Variants in CACNA1C observed in about 807,000 individuals in gnomAD.
CACNA1C encodes calcium voltage-gated channel subunit alpha1 C.
In CACNA1C, 30 loss-of-function variants were observed where a neutral mutation model predicts 229.0. The observed-to-expected ratio is 0.13, with a 90% CI of 0.10 to 0.18. The LOEUF is 0.18. Ranked by LOEUF, CACNA1C falls within the 10% of genes least tolerant of loss-of-function variation. The pLI is 1.00. For synonymous variants in CACNA1C, 1,114 were observed against 1,132.5 expected (o/e 0.98, Z 0.33); for missense variants, 1,658 against 2,845.0 (o/e 0.58, Z 9.49).
chr12:2,046,725 G>A (rs532374515), intron 1 of CACNA1C, among the ~76,000 whole-genome samples: 1 of 152,228 alleles, frequency 6.6e-6, no homozygotes, highest in African/African-American at 2.4e-5. Context: ...CTCACACTCC[G>A]AGTACTCTGG....
chr12:2,536,483 G>C (rs950977481), intron 9 of CACNA1C, among the ~76,000 whole-genome samples: 1 of 152,116 alleles, frequency 6.6e-6, no homozygotes, highest in Non-Finnish European at 1.5e-5. Context: ...CTGCCTCTGC[G>C]ACTCTGGACA....
At chr12:2,496,288 G>A (rs890169966) in intron 7 of CACNA1C, among the ~76,000 whole-genome samples, 20 of 152,322 alleles carry the variant, frequency 1.3e-4, no homozygotes, top group African/African-American at 4.8e-4. Flanking sequence ...TTTCCACAGG[G>A]AGGAGGGGGA....
At chr12:2,606,533 T>G in intron 24 of CACNA1C, 78 bp from the exon 25 acceptor site, 1 of 1,169,436 alleles carries the variant, frequency 8.6e-7, no homozygotes, top group Non-Finnish European at 1.3e-6. Flanking sequence ...TGCTGGGCTA[T>G]GGAGATGCTC....
At chr12:2,019,452 C>G (rs1475431782) in intron 1 of CACNA1C, among the ~76,000 whole-genome samples, 1 of 134,400 alleles carries the variant, frequency 7.4e-6, no homozygotes. Flanking sequence ...AAAGCAAGAC[C>G]CTGTATCTAA....
intron 45 of CACNA1C, 130 bp from the exon 46 acceptor site, chr12:2,688,317 G>A: frequency 1.3e-6 from 1 of 769,774 alleles, no homozygotes; most frequent in South Asian, 1.6e-5. Context: ...GAAAATAATG[G>A]CATGGGAATA....
intron 1 of CACNA1C, among the ~76,000 whole-genome samples, chr12:2,046,753 C>A (rs953872965): frequency 1.3e-5 from 2 of 152,070 alleles, no homozygotes; most frequent in African/African-American, 4.8e-5. Context: ...TTGGGACGGA[C>A]GCTGGGGCTG....
rs529753170 is a variant in CACNA1C, at chr12:1,978,493, A to G, written c.139+7292A>G. Among the ~76,000 whole-genome samples, 4 of 152,330 alleles carry G rather than the reference A, an allele frequency of 2.6e-5. No homozygotes were observed. The East Asian group carries it at 5.8e-4, about 22-fold the overall frequency. ...TCCTTAAATTTTCATTTATTTAAAT[A>G]CTTCTTTTATAAGGTTCAATTATTT... On this transcript the variant is annotated intron_variant, in intron 1 of 46. Transcript: ENST00000682462.
intron 3 of CACNA1C, among the ~76,000 whole-genome samples, chr12:2,424,016 C>A (rs186660080): frequency 6.6e-6 from 1 of 152,166 alleles, no homozygotes; most frequent in Non-Finnish European, 1.5e-5. Flanking sequence ...GGAGAGACTG[C>A]CTGCGATGTC....
chr12:2,447,041 A>G lies in CACNA1C; in HGVS notation c.478-1935A>G, dbSNP rs116982606. 8.5e-5 allele frequency among the ~76,000 whole-genome samples: 13 copies of G among 152,248 alleles called. 1 individual carries two copies. In the East Asian group the frequency reaches 2.5e-3, roughly 29 times the overall value. ...GAATATAGAAAGAGGTGACCCTGTCATCTAGTGGCAGACATGAAAGCTCTG... is the reference window on the plus strand; with the variant it reads ...GAATATAGAAAGAGGTGACCCTGTCGTCTAGTGGCAGACATGAAAGCTCTG... On this transcript the variant is annotated intron_variant, in intron 3 of 46. Transcript: ENST00000399655.
rs551287451 is a variant in CACNA1C, at chr12:1,974,920, G to A, written c.139+3719G>A. On this transcript the variant is annotated intron_variant, in intron 1 of 46. Coordinates refer to the CACNA1C transcript ENST00000682462. Reference sequence around the variant, plus strand: ...TTTTTAAAACAGAATATTTCTACAGGTCAAAAATTTGTTCCAATGAAGAAC... The same window carrying A: ...TTTTTAAAACAGAATATTTCTACAGATCAAAAATTTGTTCCAATGAAGAAC... 3.3e-5 allele frequency among the ~76,000 whole-genome samples: 5 copies of A among 152,170 alleles called. No individual in the cohort carries two copies. The East Asian group carries it at 9.6e-4, about 29-fold the overall frequency.
In CACNA1C at chr12:2,287,638, T is replaced by C. The variant is rs2092902615; in HGVS notation, c.478-161338T>C. Among the ~76,000 whole-genome samples the C allele has an allele frequency of 6.6e-6, 1 of 152,166 alleles. No homozygotes were observed. The highest frequency in any genetic ancestry group is 1.5e-5 in the Non-Finnish European group (1 of 68,018). On this transcript the variant is annotated intron_variant, in intron 3 of 46. Coordinates refer to ENST00000399655, the MANE Select transcript of CACNA1C (RefSeq NM_000719.7). The surrounding 1 kb of genome is among the most constrained non-coding windows in gnomAD (Gnocchi z 4.6). The stretch of plus-strand genomic sequence containing the variant: ...CACACATAAGAATCATCTGGGATCA[T>C]TTAACAAAAAACAATGCCAGGATCC...
intron 42 of CACNA1C, among the ~76,000 whole-genome samples, chr12:2,681,577 G>A (rs539976338): frequency 4.6e-5 from 7 of 152,234 alleles, no homozygotes; most frequent in South Asian, 4.1e-4. Context: ...GCTGCTCTGC[G>A]TCTCCAGCTC....
chr12:1,992,849 C>T (rs1404990932), intron 1 of CACNA1C: 1 of 390,964 alleles, frequency 2.6e-6, no homozygotes, highest in African/African-American at 2.0e-5. Flanking sequence ...AACACTTTGT[C>T]AGCTCACTCG....
intron 3 of CACNA1C, among the ~76,000 whole-genome samples, chr12:2,136,740 G>A (rs2093548381): frequency 6.6e-6 from 1 of 151,190 alleles, no homozygotes; most frequent in African/African-American, 2.4e-5. Context: ...CTTTTCATCT[G>A]CTACTACCTG....
chr12:2,300,948 T>G (rs2154473372), intron 3 of CACNA1C, among the ~76,000 whole-genome samples: 1 of 152,300 alleles, frequency 6.6e-6, no homozygotes, highest in Non-Finnish European at 1.5e-5. Flanking sequence ...GACGAGCAGC[T>G]GCCCTACCTG....
chr12:2,319,741 G>A lies in CACNA1C; in HGVS notation c.478-129235G>A, dbSNP rs1227138547. Among the ~76,000 whole-genome samples, 4 of 152,120 alleles carry A rather than the reference G, an allele frequency of 2.6e-5. No homozygotes were observed. The highest frequency in any genetic ancestry group is 6.5e-5 in the Admixed American group (1 of 15,276). On this transcript the variant is annotated intron_variant, in intron 3 of 46. Transcript: ENST00000399655. This position sits in a 1 kb window ranked among gnomAD's most constrained non-coding sequence, Gnocchi z 4.0. ...GGTGCTCACGGGGGTGTGCTGGGCC[G>A]GGAGAGGATGAGCATTCCTCAAGAA...
chr12:1,995,799 TCACTC>T (rs2040657193), intron 1 of CACNA1C, among the ~76,000 whole-genome samples: 1 of 152,208 alleles, frequency 6.6e-6, no homozygotes, highest in Non-Finnish European at 1.5e-5. Flanking sequence ...CTCTTTATAC[TCACTC>T]CTTCAGGGAA....
At chr12:2,043,642 CTTTTTTTTTTTT>C (rs67625680) in intron 1 of CACNA1C, among the ~76,000 whole-genome samples, 15 of 91,382 alleles carry the variant, frequency 1.6e-4, no homozygotes, top group African/African-American at 5.6e-4. Context: ...ACAGAATATT[CTTTTTTTTTTTT>C]TTTTTTTTTT....
Position 2,651,500 on chromosome 12 carries a change from C to G in CACNA1C, c.3946-140C>G. The G allele has an allele frequency of 1.6e-6, 2 of 1,282,556 alleles. No homozygotes were observed. Among genetic ancestry groups the G allele is most frequent in the Non-Finnish European group, 2.2e-6 (2 of 896,006 alleles). The allele number at this position is 1,282,556 out of a possible 1,614,324, so 79.4% of individuals were successfully genotyped here. A position where few individuals can be genotyped will look rare whatever the true frequency, so the allele number is the denominator to read the frequency against. ...TTAAAGTGGGCGGCCGCCCTCCCAT[C>G]GGAGGGGGAAGTCTAGTGCAGCAAA... On this transcript the variant is annotated intron_variant, in intron 31 of 46. Coordinates refer to ENST00000399655, the MANE Select transcript of CACNA1C (RefSeq NM_000719.7). This position sits in a 1 kb window ranked among gnomAD's most constrained non-coding sequence, Gnocchi z 5.4.
Sources: gnomAD v4.1 joint callset for allele counts (sites outside exome capture counted in the v4.1 genomes callset) on GRCh38, gnomAD v4.1.1 for gene constraint, Gnocchi (gnomAD v3.1) non-coding constraint, MANE v1.5 for transcripts, NCBI Gene and HGNC (gene_info 2026-07-23, HGNC 2026-07-21) for gene names.